ZDHHC7: variants seen among roughly 807,000 people sequenced by gnomAD.
ZDHHC7 encodes zDHHC palmitoyltransferase 7, also known as palmitoyltransferase ZDHHC7.
Under a neutral mutation model 34.1 loss-of-function variants are expected in ZDHHC7, and 12 were observed. That is an observed-to-expected ratio of 0.35 (90% CI 0.23 to 0.57). ZDHHC7 has a LOEUF of 0.57. Ranked by LOEUF, ZDHHC7 falls within the 20% of genes least tolerant of loss-of-function variation. ZDHHC7 has a pLI of 0.84. For synonymous variants in ZDHHC7, 185 were observed against 155.4 expected, an observed-to-expected ratio of 1.19 and a Z score of -1.42; for missense variants, 388 against 402.7, an observed-to-expected ratio of 0.96 and a Z score of 0.31.
At position 84,976,642 on chromosome 16, in the gene ZDHHC7, C is replaced by G. The variant is rs1390425878; in HGVS notation, c.751-123G>C. ...TCGATGGAGGGTAGGTGAGTGAACTCTCCTTCCCAGCTCTGCCCCGATCCA... is the reference window on the plus strand; with the variant it reads ...TCGATGGAGGGTAGGTGAGTGAACTGTCCTTCCCAGCTCTGCCCCGATCCA... On this transcript the variant is annotated intron_variant, in intron 7 of 7. Transcript: ENST00000313732. 3 of 1,342,310 alleles carry G rather than the reference C, an allele frequency of 2.2e-6. No individual in the cohort carries two copies. In the East Asian group the frequency reaches 7.5e-5, roughly 34 times the overall value. The allele number at this position is 1,342,310 out of a possible 1,614,324, so 83.1% of individuals were successfully genotyped here.
At chr16:84,995,103 G>A (rs767500813) in intron 2 of ZDHHC7, among the ~76,000 whole-genome samples, 5 of 152,092 alleles carry the variant, frequency 3.3e-5, no homozygotes, top group African/African-American at 1.2e-4. Context: ...CAAAACCACC[G>A]TTGACTTCAT....
At chr16:85,018,074 C>T in the ZDHHC7 span, among the ~76,000 whole-genome samples, 3 of 152,124 alleles carry the variant, frequency 2.0e-5, no homozygotes, top group African/African-American at 7.2e-5. Flanking sequence ...AACCTGGTCA[C>T]ATCCAGTGCC....
the ZDHHC7 span, among the ~76,000 whole-genome samples, chr16:85,017,511 C>T: frequency 6.6e-6 from 1 of 152,174 alleles, no homozygotes; most frequent in Non-Finnish European, 1.5e-5. Context: ...AATGTTCATT[C>T]ATACAGTACC....
At chr16:85,001,714 G>C (rs1300525484) in intron 1 of ZDHHC7, among the ~76,000 whole-genome samples, 1 of 152,116 alleles carries the variant, frequency 6.6e-6, no homozygotes, top group Non-Finnish European at 1.5e-5. Flanking sequence ...ACAGCCACCA[G>C]CACACCTAAT....
chr16:85,024,520 G>A, the ZDHHC7 span, among the ~76,000 whole-genome samples: 1 of 152,130 alleles, frequency 6.6e-6, no homozygotes, highest in Non-Finnish European at 1.5e-5. Flanking sequence ...CGTGAGCCAC[G>A]GTGCCCGGAC....
intron 1 of ZDHHC7, among the ~76,000 whole-genome samples, chr16:84,998,337 C>T (rs2072610224): frequency 6.6e-6 from 1 of 151,152 alleles, no homozygotes; most frequent in Non-Finnish European, 1.5e-5. Flanking sequence ...CACAGGGGTC[C>T]CTGGGAGAAA....
At chr16:84,978,287 T>C (rs2072324317) in intron 5 of ZDHHC7, among the ~76,000 whole-genome samples, 1 of 152,162 alleles carries the variant, frequency 6.6e-6, no homozygotes, top group African/African-American at 2.4e-5. Context: ...CCCAGCCAGT[T>C]AGTAACTTAA....
chr16:84,979,908 C>T (rs12447590), intron 4 of ZDHHC7, among the ~76,000 whole-genome samples: 39,621 of 149,894 alleles, frequency 0.26, 6,033 homozygotes, highest in East Asian at 0.49. Context: ...ACATCGATGG[C>T]AGCAGGTTCG....
chr16:84,974,485 T>C lies in ZDHHC7; in HGVS notation c.*1858A>G, dbSNP rs1479287592. On this transcript the variant is annotated 3_prime_UTR_variant, in exon 8 of 8. Coordinates refer to ENST00000313732, the MANE Select transcript of ZDHHC7 (RefSeq NM_017740.3). Reference sequence around the variant, plus strand: ...TTTGAGAACTGTTAATTGATTACTTTATTTCATATAAAAGTTACATTGAAA... The same window carrying C: ...TTTGAGAACTGTTAATTGATTACTTCATTTCATATAAAAGTTACATTGAAA... 6.6e-6 allele frequency: 1 copy of C among 152,372 alleles called. No individual in the cohort carries two copies. Among genetic ancestry groups the C allele is most frequent in the Non-Finnish European group, 1.5e-5 (1 of 68,044 alleles). The allele number at this position is 152,372 out of a possible 1,614,324, so 9.4% of individuals were successfully genotyped here.
At chr16:84,983,057 T>C (rs118054327) in intron 3 of ZDHHC7, among the ~76,000 whole-genome samples, 1 of 152,288 alleles carries the variant, frequency 6.6e-6, no homozygotes, top group Non-Finnish European at 1.5e-5. Flanking sequence ...TGGAATAAAA[T>C]AGGCAGACCT....
the ZDHHC7 span, among the ~76,000 whole-genome samples, chr16:85,018,840 G>A: frequency 6.6e-6 from 1 of 152,108 alleles, no homozygotes; most frequent in African/African-American, 2.4e-5. Flanking sequence ...TGTTCCGGAC[G>A]GGTGTTTGGG....
At chr16:85,016,310 G>C (rs930119520), upstream of ZDHHC7, among the ~76,000 whole-genome samples, 4 of 151,468 alleles carry the variant, frequency 2.6e-5, no homozygotes, top group South Asian at 2.1e-4. Flanking sequence ...GCATGCGCCA[G>C]CACACCTGGC....
chr16:84,984,304 A>G (rs2072409006), intron 3 of ZDHHC7, among the ~76,000 whole-genome samples: 1 of 152,146 alleles, frequency 6.6e-6, no homozygotes, highest in African/African-American at 2.4e-5. Context: ...TACAGGTATG[A>G]GCCACCGTGC....
chr16:85,020,439 G>A, the ZDHHC7 span, among the ~76,000 whole-genome samples: 1 of 152,208 alleles, frequency 6.6e-6, no homozygotes. Flanking sequence ...TGTTTCTGTG[G>A]AGGAAGATGA....
At chr16:85,014,897 C>A (rs1471317948), upstream of ZDHHC7, among the ~76,000 whole-genome samples, 1 of 152,006 alleles carries the variant, frequency 6.6e-6, no homozygotes, top group Admixed American at 6.6e-5. Context: ...AAAGGTGGGA[C>A]AACTGAAATA....
rs73261270 is a variant in ZDHHC7, at chr16:84,978,263, C to T, written c.538-258G>A. ...GGCCAGGCTGGTCTGTAACTGCTGA[C>T]CTCTAGTGATCCACCCAGCCAGTTA... On this transcript the variant is annotated intron_variant, in intron 5 of 7. Coordinates refer to ENST00000313732, the MANE Select transcript of ZDHHC7 (RefSeq NM_017740.3). 8.9e-3 allele frequency: 2,784 copies of T among 312,072 alleles called. 70 individuals carry two copies. Among genetic ancestry groups the T allele is most frequent in the African/African-American group, 0.055 (2,503 of 45,666 alleles). 19.3% of individuals were successfully genotyped at this position (312,072 alleles called of 1,614,324 possible). A position where few individuals can be genotyped will look rare whatever the true frequency, so the allele number is the denominator to read the frequency against.
the ZDHHC7 span, among the ~76,000 whole-genome samples, chr16:85,020,602 G>C: frequency 6.6e-6 from 1 of 152,164 alleles, no homozygotes; most frequent in Non-Finnish European, 1.5e-5. Context: ...AAAGGGACAC[G>C]CAGGCAGGTC....
chr16:85,001,707 G>A (rs2072655402), intron 1 of ZDHHC7, among the ~76,000 whole-genome samples: 1 of 152,116 alleles, frequency 6.6e-6, no homozygotes, highest in South Asian at 2.1e-4. Flanking sequence ...CACACCAACA[G>A]CCACCAGCAC....
At chr16:84,994,451 C>T (rs577189990) in intron 2 of ZDHHC7, among the ~76,000 whole-genome samples, 1 of 152,334 alleles carries the variant, frequency 6.6e-6, no homozygotes, top group South Asian at 2.1e-4. Flanking sequence ...GCTTTCCAGG[C>T]AGTAAAACAA....
Sources: allele counts gnomAD v4.1 joint callset (sites outside exome capture counted in the v4.1 genomes callset), GRCh38; gene constraint gnomAD v4.1.1; transcripts MANE v1.5; gene names NCBI Gene and HGNC (gene_info 2026-07-23, HGNC 2026-07-21).